The following PCCA variants were observed in gnomAD, a reference collection of about 807,000 sequenced individuals.
The protein encoded by PCCA is propionyl-CoA carboxylase alpha chain, mitochondrial.
Under a neutral mutation model 101.3 loss-of-function variants are expected in PCCA, and 74 were observed. The ratio of observed to expected loss-of-function variants is 0.73; its 90% CI spans 0.61 to 0.89. The LOEUF (loss-of-function observed/expected upper bound fraction) is 0.89. Among genes scored for constraint, PCCA ranks in the 40% least tolerant of loss-of-function variants. The pLI, the probability that PCCA is intolerant of heterozygous loss-of-function variation, is 0.00. For missense variants in PCCA, 891 were observed against 907.0 expected, an observed-to-expected ratio of 0.98 and a Z score of 0.23; for synonymous variants, 294 against 313.6, an observed-to-expected ratio of 0.94 and a Z score of 0.66.
At chr13:100,175,815 C>A (rs985427757) in intron 6 of PCCA, among the ~76,000 whole-genome samples, 1 of 152,184 alleles carries the variant, frequency 6.6e-6, no homozygotes, top group Admixed American at 6.5e-5. Flanking sequence ...ATGAGGCCTA[C>A]AAAAGTTGTC....
intron 19 of PCCA, among the ~76,000 whole-genome samples, chr13:100,412,394 T>G (rs746265020): frequency 6.6e-6 from 1 of 152,216 alleles, no homozygotes; most frequent in Non-Finnish European, 1.5e-5. Flanking sequence ...GTAAGGGAAC[T>G]CCGTGTACTA....
chr13:100,528,947 G>C (rs2088121677), intron 23 of PCCA, among the ~76,000 whole-genome samples: 1 of 152,176 alleles, frequency 6.6e-6, no homozygotes, highest in South Asian at 2.1e-4. Flanking sequence ...TGTGCGGCAG[G>C]TCTGAGGTGC....
At chr13:100,180,779 G>T (rs1016938077) in intron 6 of PCCA, among the ~76,000 whole-genome samples, 1 of 152,218 alleles carries the variant, frequency 6.6e-6, no homozygotes, top group African/African-American at 2.4e-5. Context: ...TGGCATCCTT[G>T]TATATGGGCT....
intron 6 of PCCA, among the ~76,000 whole-genome samples, chr13:100,185,110 T>A (rs2057140535): frequency 6.6e-6 from 1 of 152,212 alleles, no homozygotes; most frequent in Non-Finnish European, 1.5e-5. Flanking sequence ...CTAGAAGCCC[T>A]TTGCATGTTC....
intron 21 of PCCA, chr13:100,477,390 A>C (rs3759477): frequency 6.6e-6 from 1 of 152,060 alleles, no homozygotes; most frequent in East Asian, 1.9e-4. Flanking sequence ...AAGGCAACTA[A>C]GTTAGATGTG....
rs1254766122 is a variant in PCCA, at chr13:100,092,488, T to C, written c.105+3263T>C. ...GCCTCTGCCTCCTGGGCTCAAGCCA[T>C]CCTCCCATCTCAGCCTCCCAAGTAG... On this transcript the variant is annotated intron_variant, in intron 1 of 23. Transcript: ENST00000376285. 4.6e-5 allele frequency among the ~76,000 whole-genome samples: 7 copies of C among 152,090 alleles called. No homozygotes were observed. In the East Asian group the frequency reaches 1.2e-3, roughly 25 times the overall value.
chr13:100,399,080 T>A (rs1378968661), intron 19 of PCCA, among the ~76,000 whole-genome samples: 1 of 152,136 alleles, frequency 6.6e-6, no homozygotes, highest in Non-Finnish European at 1.5e-5. Context: ...ATGTTAAATA[T>A]GCTTTGCCTA....
At chr13:100,328,408 A>G (rs2068997108) in intron 16 of PCCA, among the ~76,000 whole-genome samples, 1 of 148,692 alleles carries the variant, frequency 6.7e-6, no homozygotes, top group Admixed American at 6.8e-5. Flanking sequence ...AATAATAATG[A>G]TGATAATAAT....
At chr13:100,372,696 A>T (rs533973925) in intron 19 of PCCA, among the ~76,000 whole-genome samples, 5 of 152,176 alleles carry the variant, frequency 3.3e-5, no homozygotes, top group African/African-American at 1.2e-4. Flanking sequence ...GGCAACCCAC[A>T]GAACGGGAGA....
intron 1 of PCCA, among the ~76,000 whole-genome samples, chr13:100,090,516 G>A (rs1212401666): frequency 1.3e-5 from 2 of 152,086 alleles, no homozygotes; most frequent in South Asian, 2.1e-4. Context: ...CGTCAGCTTC[G>A]TCCTTGTAGC....
chr13:100,364,778 AC>A lies in PCCA; in HGVS notation c.1644-3693del, dbSNP rs1438341279. Among the ~76,000 whole-genome samples the A allele has an allele frequency of 4.6e-5, 7 of 152,318 alleles. No homozygotes were observed. In the East Asian group the frequency reaches 1.3e-3, roughly 29 times the overall value. On this transcript the variant is annotated intron_variant, in intron 18 of 23. Coordinates refer to ENST00000376285, the MANE Select transcript of PCCA (RefSeq NM_000282.4). ...AGAAATTGTTAGAAAAAGGCTGGGT[AC>A]TGTGACTCACACCTGTAATCCCATA...
chr13:100,285,328 T>C (rs1362380662), intron 12 of PCCA, among the ~76,000 whole-genome samples: 1 of 152,180 alleles, frequency 6.6e-6, no homozygotes, highest in Non-Finnish European at 1.5e-5. Context: ...AAGCTCCAGC[T>C]TTAAGCCTTC....
intron 18 of PCCA, among the ~76,000 whole-genome samples, chr13:100,351,767 A>T (rs951596523): frequency 6.6e-6 from 1 of 152,202 alleles, no homozygotes; most frequent in South Asian, 2.1e-4. Flanking sequence ...ATATGTTTAG[A>T]TATTGATTAT....
At chr13:100,356,484 A>G (rs2073969125) in intron 18 of PCCA, among the ~76,000 whole-genome samples, 1 of 152,182 alleles carries the variant, frequency 6.6e-6, no homozygotes, top group Non-Finnish European at 1.5e-5. Context: ...AGAAATGGCC[A>G]ATAAGCCCAT....
At chr13:100,266,526 T>TTTATGCACATGATAAAGGG (rs2062945275) in intron 10 of PCCA, among the ~76,000 whole-genome samples, 1 of 152,220 alleles carries the variant, frequency 6.6e-6, no homozygotes, top group Non-Finnish European at 1.5e-5. Flanking sequence ...TAAAGGGTAA[T>TTTATGCACATGATAAAGGG]TAATAAAAAG....
At chr13:100,240,120 G>A (rs1295711362) in intron 8 of PCCA, among the ~76,000 whole-genome samples, 10 of 152,120 alleles carry the variant, frequency 6.6e-5, no homozygotes, top group Admixed American at 6.5e-4. Flanking sequence ...AGCTGACAGT[G>A]AGATATTTAA....
intron 6 of PCCA, among the ~76,000 whole-genome samples, chr13:100,183,105 A>G (rs1243784261): frequency 6.6e-6 from 1 of 152,056 alleles, no homozygotes; most frequent in Non-Finnish European, 1.5e-5. Context: ...AAGATTGTCA[A>G]ACTTCACATA....
At chr13:100,113,767 C>T (rs750742383) in intron 4 of PCCA, among the ~76,000 whole-genome samples, 38 of 151,834 alleles carry the variant, frequency 2.5e-4, no homozygotes, top group African/African-American at 3.9e-4. Flanking sequence ...TTAGTAGAGA[C>T]GGGGTTTCAC....
intron 18 of PCCA, among the ~76,000 whole-genome samples, chr13:100,360,174 C>G (rs2074413078): frequency 6.6e-6 from 1 of 152,000 alleles, no homozygotes; most frequent in Non-Finnish European, 1.5e-5. Context: ...GAAACCCCCC[C>G]CTTTTTTTTT....
Sources: gnomAD v4.1 joint callset for allele counts (sites outside exome capture counted in the v4.1 genomes callset) on GRCh38, gnomAD v4.1.1 for gene constraint, MANE v1.5 for transcripts, NCBI Gene and HGNC (gene_info 2026-07-23, HGNC 2026-07-21) for gene names.